Variants in C10orf67 observed in about 807,000 individuals in gnomAD.
C10orf67 encodes uncharacterized protein C10orf67, mitochondrial.
Under a neutral mutation model 35.6 loss-of-function variants are expected in C10orf67, and 60 were observed. The observed-to-expected ratio is 1.68, with a 90% confidence interval of 1.37 to 2.09. The LOEUF (loss-of-function observed/expected upper bound fraction) is 2.09. Among genes scored for constraint, C10orf67 ranks in the 30% most tolerant of loss-of-function variants. The pLI is 0.00. For missense variants in C10orf67, 474 were observed against 330.2 expected, an observed-to-expected ratio of 1.44 and a Z score of -3.38; for synonymous variants, 167 against 115.8, an observed-to-expected ratio of 1.44 and a Z score of -2.84.
At chr10:23,210,955 T>C (rs1275505116) in intron 15 of C10orf67, among the ~76,000 whole-genome samples, 2 of 152,234 alleles carry the variant, frequency 1.3e-5, no homozygotes, top group Non-Finnish European at 2.9e-5. Context: ...ATACTGCCAC[T>C]GAACTCATTT....
At chr10:23,220,196 T>C (rs1404756404) in intron 15 of C10orf67, among the ~76,000 whole-genome samples, 1 of 152,042 alleles carries the variant, frequency 6.6e-6, no homozygotes, top group East Asian at 1.9e-4. Context: ...CAGTAGAGAT[T>C]AGCTGTTTTA....
At position 23,303,373 on chromosome 10, in the gene C10orf67, C is replaced by G. The variant is rs1844159044; in HGVS notation, c.633G>C (p.Glu211Asp). Residue 211 changes from glutamate (E) to aspartate (D), a missense_variant, in exon 5 of 16, where the codon GAG (glutamate) becomes GAC (aspartate). Transcript: ENST00000636213. ...KTNILLRKLKEKEEVIKELKE... is the reference protein window; with the variant it reads ...KTNILLRKLKDKEEVIKELKE... ...TTAATTCTTTAATAACTTCTTCTTT[C>G]TCTTTCAGTTTTCTTAACAAAATAT... The G allele has an allele frequency of 3.1e-6, 2 of 648,194 alleles. No individual in the cohort carries two copies. The highest frequency in any genetic ancestry group is 5.2e-5 in the Admixed American group (2 of 38,240). The allele number at this position is 648,194 out of a possible 1,614,324, so 40.2% of individuals were successfully genotyped here.
intron 7 of C10orf67, among the ~76,000 whole-genome samples, chr10:23,286,847 T>G (rs770421572): frequency 8.5e-5 from 13 of 152,172 alleles, no homozygotes; most frequent in Non-Finnish European, 1.5e-4. Context: ...TGAAAATCTG[T>G]GAGGGATTCA....
At chr10:23,341,105 A>AT (rs1845866064) in intron 1 of C10orf67, among the ~76,000 whole-genome samples, 1 of 152,192 alleles carries the variant, frequency 6.6e-6, no homozygotes, top group Non-Finnish European at 1.5e-5. Flanking sequence ...GATGTGCCCC[A>AT]TGGCTCATAA....
chr10:23,274,590 T>C (rs1246410361), intron 8 of C10orf67, among the ~76,000 whole-genome samples: 1 of 152,166 alleles, frequency 6.6e-6, no homozygotes, highest in East Asian at 1.9e-4. Context: ...CCGCAGGCTG[T>C]CAGACCTTAT....
intron 10 of C10orf67, among the ~76,000 whole-genome samples, chr10:23,257,801 T>C (rs891309263): frequency 5.3e-5 from 8 of 151,146 alleles, no homozygotes; most frequent in Non-Finnish European, 1.0e-4. Flanking sequence ...AGACTCTGTT[T>C]TTTTTTTTTT....
intron 10 of C10orf67, among the ~76,000 whole-genome samples, chr10:23,256,375 C>G (rs1422672102): frequency 6.6e-6 from 1 of 152,110 alleles, no homozygotes; most frequent in East Asian, 1.9e-4. Flanking sequence ...CATTCCAACA[C>G]TAAAAACAAG....
intron 13 of C10orf67, among the ~76,000 whole-genome samples, chr10:23,226,428 A>G (rs1841744007): frequency 6.6e-6 from 1 of 152,202 alleles, no homozygotes; most frequent in Non-Finnish European, 1.5e-5. Flanking sequence ...TCTCTGGGAC[A>G]CATTTAAAGC....
intron 15 of C10orf67, among the ~76,000 whole-genome samples, chr10:23,211,513 C>T (rs1301537757): frequency 6.6e-6 from 1 of 151,274 alleles, no homozygotes; most frequent in Non-Finnish European, 1.5e-5. Context: ...ACCCGTAACA[C>T]ACACTTTTCC....
At chr10:23,330,610 G>T (rs1361899741) in intron 2 of C10orf67, among the ~76,000 whole-genome samples, 2 of 151,680 alleles carry the variant, frequency 1.3e-5, no homozygotes, top group African/African-American at 4.8e-5. Flanking sequence ...CGTGGTGGCC[G>T]GCGCCTGTAG....
intron 13 of C10orf67, among the ~76,000 whole-genome samples, chr10:23,231,503 G>T (rs1422956862): frequency 6.6e-6 from 1 of 152,172 alleles, no homozygotes. Flanking sequence ...GCATTATCCT[G>T]CCTGGAGCCA....
At chr10:23,301,213 C>T (rs374595278) in intron 5 of C10orf67, among the ~76,000 whole-genome samples, 4 of 152,314 alleles carry the variant, frequency 2.6e-5, no homozygotes, top group Admixed American at 2.0e-4. Context: ...ATGATCTCAA[C>T]CGGCTACTGC....
intron 4 of C10orf67, among the ~76,000 whole-genome samples, chr10:23,314,459 G>C (rs995281850): frequency 2.2e-5 from 3 of 137,208 alleles, no homozygotes; most frequent in Admixed American, 7.6e-5. Flanking sequence ...CGTCTCTAAT[G>C]AAAAAGAAAA....
chr10:23,270,127 T>C (rs1842977716), intron 8 of C10orf67, among the ~76,000 whole-genome samples: 1 of 152,124 alleles, frequency 6.6e-6, no homozygotes, highest in East Asian at 1.9e-4. Context: ...ATGGCTGTCA[T>C]GCAGAAGAAT....
chr10:23,313,206 C>A (rs1397373838), intron 4 of C10orf67, among the ~76,000 whole-genome samples: 1 of 152,206 alleles, frequency 6.6e-6, no homozygotes, highest in African/African-American at 2.4e-5. Context: ...CCAATGTGGA[C>A]TGTAATTGCT....
In C10orf67 at chr10:23,339,890, T is replaced by G. The variant is rs10741026; in HGVS notation, c.206+4679A>C. Among the ~76,000 whole-genome samples the G allele has an allele frequency of 5.9e-5, 9 of 152,226 alleles. No homozygotes were observed. The East Asian group carries it at 1.7e-3, about 29-fold the overall frequency. ...TCAATATAGTAAATATAAACAGCCA[T>G]GGGAACTAATTCTGTTTCTGTATAG... is the stretch of plus-strand genomic sequence containing the variant. On this transcript the variant is annotated intron_variant, in intron 1 of 15. Transcript: ENST00000636213.
At chr10:23,253,637 G>C (rs556686944) in intron 10 of C10orf67, among the ~76,000 whole-genome samples, 100 of 152,094 alleles carry the variant, frequency 6.6e-4, no homozygotes, top group African/African-American at 2.4e-3. Flanking sequence ...TATATCCAAA[G>C]TTACATCAGT....
chr10:23,237,119 G>A lies in C10orf67; in HGVS notation c.1434+2610C>T, dbSNP rs533188296. Among the ~76,000 whole-genome samples, 7 of 152,222 alleles carry A rather than the reference G, an allele frequency of 4.6e-5. 1 individual carries two copies. The highest frequency in any genetic ancestry group is 4.2e-4 in the South Asian group (2 of 4,816). Reference sequence around the variant, plus strand: ...CTCAATGTTTAGCTCTCACTTATAAGTGAGAACATGTGGTATTTGGTTTTC... The same window carrying A: ...CTCAATGTTTAGCTCTCACTTATAAATGAGAACATGTGGTATTTGGTTTTC... On this transcript the variant is annotated intron_variant, in intron 13 of 15. Coordinates refer to ENST00000636213, the MANE Select transcript of C10orf67 (RefSeq NM_001371909.1).
chr10:23,217,514 T>C (rs998701633), intron 15 of C10orf67, among the ~76,000 whole-genome samples: 2 of 152,204 alleles, frequency 1.3e-5, no homozygotes, highest in Non-Finnish European at 2.9e-5. Context: ...AGTGTTTTGT[T>C]ACTACCATAA....
Sources: gnomAD v4.1 joint callset for allele counts (sites outside exome capture counted in the v4.1 genomes callset) on GRCh38, gnomAD v4.1.1 for gene constraint, MANE v1.5 for transcripts, NCBI Gene and HGNC (gene_info 2026-07-23, HGNC 2026-07-21) for gene names.